Variants in PNPLA3 observed in about 807,000 individuals in gnomAD.
The protein encoded by PNPLA3 is patatin like domain 3, 1-acylglycerol-3-phosphate O-acyltransferase.
Under a neutral mutation model 43.1 loss-of-function variants are expected in PNPLA3, and 42 were observed. The observed-to-expected ratio is 0.97, with a 90% CI of 0.76 to 1.26. The LOEUF is 1.26. Among genes scored for constraint, PNPLA3 ranks in the 50% most tolerant of loss-of-function variants. The probability of loss-of-function intolerance (pLI) is 0.00; values close to 1 mark genes in which losing one functional copy is unlikely to be tolerated. For synonymous variants in PNPLA3, 272 were observed against 253.6 expected (o/e 1.07, Z -0.69); for missense variants, 647 against 621.4 (o/e 1.04, Z -0.44).
At position 43,928,868 on chromosome 22, in the gene PNPLA3, C is replaced by A; in HGVS notation, c.465C>A (p.Ile155=). Reference sequence around the variant, plus strand: ...TCATCCCCTTCTACAGTGGCCTTATCCCTCCTTCCTTCAGAGGCGTGGTAA... The same window carrying A: ...TCATCCCCTTCTACAGTGGCCTTATACCTCCTTCCTTCAGAGGCGTGGTAA... ...SCFIPFYSGL[I]PPSFRGVRYV... Residue 155 remains isoleucine (I), a synonymous_variant, in exon 3 of 9, where the codon ATC becomes ATA. Coordinates refer to ENST00000216180, the MANE Select transcript of PNPLA3 (RefSeq NM_025225.3). The A allele has an allele frequency of 6.2e-7, 1 of 1,612,396 alleles. No homozygotes were observed. The highest frequency in any genetic ancestry group is 1.3e-5 in the African/African-American group (1 of 74,996).
rs185208551 is a variant in PNPLA3 at position 43,933,099 on chromosome 22, G to A, written c.696+12G>A. On this transcript the variant is annotated intron_variant, in intron 4 of 8. Transcript: ENST00000216180. ...CCCCGGATCTCAAGGTGAGTTGGTG[G>A]TGAGGGGGCAGGTGTTCTGGGGTGC... is the stretch of plus-strand genomic sequence containing the variant. 5,971 of 1,611,516 alleles carry A rather than the reference G, an allele frequency of 3.7e-3. 23 individuals are homozygous for A. Among genetic ancestry groups the A allele is most frequent in the Non-Finnish European group, 4.7e-3 (5,493 of 1,178,672 alleles).
intron 7 of PNPLA3, among the ~76,000 whole-genome samples, chr22:43,943,387 G>A (rs765073318): frequency 6.6e-6 from 1 of 152,110 alleles, no homozygotes. Context: ...GTGACAGGCA[G>A]GCTGCGGGAA....
chr22:43,928,116 T>C (rs1278016309), intron 2 of PNPLA3, among the ~76,000 whole-genome samples: 1 of 152,246 alleles, frequency 6.6e-6, no homozygotes, highest in East Asian at 1.9e-4. Context: ...GATGCTTTCA[T>C]AAGCGCTCCT....
chr22:43,946,186 C>A lies in PNPLA3; in HGVS notation c.1250C>A (p.Ser417Tyr), dbSNP rs1237778742. The change falls in exon 9 of 9, where the codon TCC becomes TAC. Residue 417 changes from serine (S) to tyrosine (Y), a missense_variant. Transcript: ENST00000216180. The part of the protein sequence containing the change: ...SQMPVSSQQA[S>Y]PCTPEQDWPC... ...ATGCCAGTGAGCAGCCAACAGGCCTCCCCATGCACACCTGAGCAGGACTGG... is the reference window on the plus strand; with the variant it reads ...ATGCCAGTGAGCAGCCAACAGGCCTACCCATGCACACCTGAGCAGGACTGG... 1 of 1,614,068 alleles carries A rather than the reference C, an allele frequency of 6.2e-7. No homozygotes were observed. Among genetic ancestry groups the A allele is most frequent in the South Asian group, 1.1e-5 (1 of 91,076 alleles).
At chr22:43,927,505 G>A (rs1055561065) in intron 2 of PNPLA3, among the ~76,000 whole-genome samples, 23 of 121,964 alleles carry the variant, frequency 1.9e-4, no homozygotes, top group South Asian at 6.0e-4. Flanking sequence ...AAAAAAAAAA[G>A]AAAGACTGTT....
At chr22:43,924,946 C>G (rs2049912184) in intron 1 of PNPLA3, among the ~76,000 whole-genome samples, 1 of 152,160 alleles carries the variant, frequency 6.6e-6, no homozygotes, top group African/African-American at 2.4e-5. Flanking sequence ...CTGCTCCCTG[C>G]TGCCTACGCT....
chr22:43,946,191 T>G lies in PNPLA3; in HGVS notation c.1255T>G (p.Cys419Gly). Residue 419 changes from cysteine to glycine, a missense_variant, in exon 9 of 9, where the codon TGC (cysteine) becomes GGC (glycine). Cys to Gly is a radical substitution (Grantham distance 159, BLOSUM62 -3). Transcript: ENST00000216180. ...MPVSSQQASPCTPEQDWPCWT... is the reference protein window; with the variant it reads ...MPVSSQQASPGTPEQDWPCWT... The stretch of plus-strand genomic sequence containing the variant: ...AGTGAGCAGCCAACAGGCCTCCCCA[T>G]GCACACCTGAGCAGGACTGGCCCTG... 6.2e-7 allele frequency: 1 copy of G among 1,614,124 alleles called. No homozygotes were observed. The highest frequency in any genetic ancestry group is 8.5e-7 in the Non-Finnish European group (1 of 1,180,008).
At chr22:43,944,825 C>T (rs772535156) in intron 8 of PNPLA3, 30 bp downstream of exon 8, 38 of 1,567,144 alleles carry the variant, frequency 2.4e-5, no homozygotes, top group Admixed American at 6.7e-5. Flanking sequence ...GTGTGTGGGC[C>T]GGACGGGCAC....
At chr22:43,935,040 G>C (rs746366963) in intron 5 of PNPLA3, among the ~76,000 whole-genome samples, 1 of 152,060 alleles carries the variant, frequency 6.6e-6, no homozygotes, top group African/African-American at 2.4e-5. Context: ...GAGTTTCTGC[G>C]CCTGGACCCC....
intron 4 of PNPLA3, 145 bp from the exon 5 acceptor site, chr22:43,934,461 C>T: frequency 1.4e-6 from 1 of 739,118 alleles, no homozygotes; most frequent in East Asian, 2.7e-5. Context: ...GCCCTTTGCT[C>T]AGCCCCCAGG....
At chr22:43,936,766 T>C (rs753336062) in intron 5 of PNPLA3, among the ~76,000 whole-genome samples, 3 of 152,166 alleles carry the variant, frequency 2.0e-5, no homozygotes, top group Non-Finnish European at 2.9e-5. Flanking sequence ...GTTCAGTTGT[T>C]ATAAACCAAC....
At position 43,928,713 on chromosome 22, in the gene PNPLA3, A is replaced by C; in HGVS notation, c.421-111A>C. 5.3e-6 allele frequency: 5 copies of C among 946,494 alleles called. 1 individual carries two copies. The highest frequency in any genetic ancestry group is 8.5e-6 in the Non-Finnish European group (5 of 584,974). 58.6% of individuals were successfully genotyped at this position (946,494 alleles called of 1,614,324 possible). On this transcript the variant is annotated intron_variant, in intron 2 of 8. Coordinates refer to ENST00000216180, the MANE Select transcript of PNPLA3 (RefSeq NM_025225.3). ...ACCCATGGATTAACCTACTCTGTGC[A>C]AAGGGCATTTTCAAGTTTGTTGCCC...
chr22:43,926,058 T>C (rs2049920007), intron 1 of PNPLA3, among the ~76,000 whole-genome samples: 1 of 152,208 alleles, frequency 6.6e-6, no homozygotes, highest in Non-Finnish European at 1.5e-5. Flanking sequence ...TTTAACCCCC[T>C]GTCTCACAGA....
intron 5 of PNPLA3, 130 bp from the exon 6 acceptor site, chr22:43,936,921 T>A: frequency 1.4e-6 from 1 of 709,888 alleles, no homozygotes; most frequent in South Asian, 1.7e-5. Flanking sequence ...TTCTCTTCCC[T>A]TCCCCTCTTC....
At chr22:43,926,817 G>A in intron 1 of PNPLA3, 118 bp from the exon 2 acceptor site, 1 of 793,330 alleles carries the variant, frequency 1.3e-6, no homozygotes, top group Non-Finnish European at 2.1e-6. Context: ...TCCCATAGTA[G>A]ACAGTACTGG....
At chr22:43,934,538 C>G (rs2049982587) in intron 4 of PNPLA3, 68 bp from the exon 5 acceptor site, 2 of 1,479,800 alleles carry the variant, frequency 1.4e-6, no homozygotes, top group Non-Finnish European at 1.9e-6. Flanking sequence ...TGCGGTCTTC[C>G]AATGATGCTG....
chr22:43,941,772 C>G (rs1039661365), intron 7 of PNPLA3, among the ~76,000 whole-genome samples: 1 of 151,530 alleles, frequency 6.6e-6, no homozygotes, highest in Non-Finnish European at 1.5e-5. Flanking sequence ...GGTTGTCTGA[C>G]AGTGGAGGGC....
In PNPLA3 at chr22:43,946,820, G is replaced by T. The variant is rs1370137368; in HGVS notation, c.*438G>T. The T allele has an allele frequency of 2.0e-6, 1 of 492,692 alleles. No individual in the cohort carries two copies. The highest frequency in any genetic ancestry group is 2.1e-5 in the Admixed American group (1 of 47,786). 30.5% of individuals were successfully genotyped at this position (492,692 alleles called of 1,614,324 possible). A position where few individuals can be genotyped will look rare whatever the true frequency, so the allele number is the denominator to read the frequency against. ...TCCCACTTCCCCATGCTGTGGGAAG[G>T]GGTGCAGTTCGTCCCCAAGAACGAC... is the stretch of plus-strand genomic sequence containing the variant. On this transcript the variant is annotated 3_prime_UTR_variant, in exon 9 of 9. Transcript: ENST00000216180.
intron 7 of PNPLA3, among the ~76,000 whole-genome samples, chr22:43,941,077 G>A (rs73176497): frequency 0.24 from 35,242 of 148,398 alleles, 4,746 homozygotes; most frequent in East Asian, 0.39. Flanking sequence ...CCTAGGAGGC[G>A]GAGGTTGGTT....
Sources: gnomAD v4.1 joint callset for allele counts (sites outside exome capture counted in the v4.1 genomes callset) on GRCh38, gnomAD v4.1.1 for gene constraint, MANE v1.5 for transcripts, NCBI Gene and HGNC (gene_info 2026-07-23, HGNC 2026-07-21) for gene names.